TLE2: variants seen among roughly 807,000 people sequenced by gnomAD.
The protein encoded by TLE2 is transducin-like enhancer protein 2.
In TLE2, 74 loss-of-function variants were observed where a neutral mutation model predicts 97.2. The ratio of observed to expected loss-of-function variants is 0.76; its 90% CI spans 0.63 to 0.92. TLE2 has a LOEUF of 0.92. TLE2 is among the 40% of genes least tolerant of loss of function. The pLI, the probability that TLE2 is intolerant of heterozygous loss-of-function variation, is 0.00. For missense variants in TLE2, 1,038 were observed against 1,008.7 expected, an observed-to-expected ratio of 1.03 and a Z score of -0.39; for synonymous variants, 499 against 432.1, an observed-to-expected ratio of 1.15 and a Z score of -1.92.
At chr19:3,006,269 T>G in intron 15 of TLE2, 151 bp downstream of exon 15, 1 of 1,304,510 alleles carries the variant, frequency 7.7e-7, no homozygotes, top group Non-Finnish European at 1.1e-6. Flanking sequence ...GCAAGCCTTG[T>G]CCCATGCGAC....
chr19:3,006,228 C>A lies in TLE2; in HGVS notation c.1500+192G>T, dbSNP rs570054248. The A allele has an allele frequency of 4.0e-6, 4 of 996,780 alleles. No homozygotes were observed. The African/African-American group carries it at 1.1e-4, about 27-fold the overall frequency. The allele number at this position is 996,780 out of a possible 1,614,324, so 61.7% of individuals were successfully genotyped here. A position where few individuals can be genotyped will look rare whatever the true frequency, so the allele number is the denominator to read the frequency against. On this transcript the variant is annotated intron_variant, in intron 15 of 19. Transcript: ENST00000262953. ...TCCTGATTGTCTTGCAAGTCCAATT[C>A]AGATTGGCCAGAGCCCCACCCCTTT...
upstream of TLE2, among the ~76,000 whole-genome samples, chr19:3,033,158 A>T (rs1169003124): frequency 1.4e-5 from 2 of 146,508 alleles, no homozygotes; most frequent in Non-Finnish European, 3.0e-5. Flanking sequence ...GATTACAGAC[A>T]TACACCAAGC....
chr19:3,029,592 C>T, upstream of TLE2: 1 of 529,908 alleles, frequency 1.9e-6, no homozygotes, highest in Non-Finnish European at 2.4e-6. Context: ...GGGGACCAGT[C>T]TGGAGTCGGA....
chr19:3,006,471 C>G lies in TLE2; in HGVS notation c.1449G>C (p.Trp483Cys). The change falls in exon 15 of 20, where the codon TGG (tryptophan) becomes TGC (cysteine). Residue 483 changes from tryptophan (W) to cysteine (C), a missense_variant. Trp to Cys is a radical substitution (Grantham distance 215). Transcript: ENST00000262953. Reference protein sequence around the residue: ...YTGGKGCVKVWDVGQPGAKTP... With the variant: ...YTGGKGCVKVCDVGQPGAKTP... ...TCTTGGCCCCAGGCTGGCCCACGTCCCACACCTTCACACAGCCCTTGCCGC... is the reference window on the plus strand; with the variant it reads ...TCTTGGCCCCAGGCTGGCCCACGTCGCACACCTTCACACAGCCCTTGCCGC... 1 of 1,611,096 alleles carries G rather than the reference C, an allele frequency of 6.2e-7. No individual in the cohort carries two copies. The highest frequency in any genetic ancestry group is 2.2e-5 in the East Asian group (1 of 44,830).
intron 8 of TLE2, among the ~76,000 whole-genome samples, chr19:3,016,419 C>CAAAAA (rs34669546): frequency 8.7e-5 from 8 of 91,550 alleles, no homozygotes; most frequent in African/African-American, 2.9e-4. Flanking sequence ...ACTAAAAATA[C>CAAAAA]AAAAAAAAAA....
At chr19:3,010,370 A>T (rs568299355) in intron 12 of TLE2, among the ~76,000 whole-genome samples, 2 of 137,304 alleles carry the variant, frequency 1.5e-5, no homozygotes, top group African/African-American at 5.3e-5. Context: ...GTCTCAAAAA[A>T]AAAGGAAAAA....
intron 5 of TLE2, 91 bp downstream of exon 5, chr19:3,024,929 T>C: frequency 3.5e-6 from 4 of 1,140,350 alleles, no homozygotes; most frequent in Non-Finnish European, 5.1e-6. Context: ...CGCGGCAGAA[T>C]CAGTGCCTGG....
In TLE2 at chr19:3,028,376, C is replaced by T. The variant is rs369450088; in HGVS notation, c.129G>A (p.Lys43=). ...CGCTGGCCAGCTTCTCACATTCTAGCTTGAGGCTGAGAAGAAGAGAGAGGG... is the reference window on the plus strand; with the variant it reads ...CGCTGGCCAGCTTCTCACATTCTAGTTTGAGGCTGAGAAGAAGAGAGAGGG... The part of the protein sequence containing the change: ...QFLQAQYHSL[K]LECEKLASEK... The change falls in exon 3 of 20, where the codon AAG becomes AAA. Residue 43 remains lysine, a synonymous_variant. Coordinates refer to ENST00000262953, the MANE Select transcript of TLE2 (RefSeq NM_003260.5). 1.4e-5 allele frequency: 23 copies of T among 1,606,088 alleles called. No individual in the cohort carries two copies. Among genetic ancestry groups the T allele is most frequent in the Non-Finnish European group, 1.9e-5 (22 of 1,176,036 alleles).
chr19:3,029,406 C>G (rs1384530613), upstream of TLE2: 1 of 716,194 alleles, frequency 1.4e-6, no homozygotes, highest in African/African-American at 1.9e-5. Flanking sequence ...CCCGGGCACC[C>G]GCCCCCTTCC....
intron 5 of TLE2, among the ~76,000 whole-genome samples, chr19:3,021,574 T>C (rs188092144): frequency 6.6e-6 from 1 of 152,292 alleles, no homozygotes; most frequent in African/African-American, 2.4e-5. Flanking sequence ...ATAAATTTAA[T>C]AGGCTTATTT....
At position 2,997,791 on chromosome 19, in the gene TLE2, C is replaced by T. The variant is rs757124511; in HGVS notation, c.*57G>A. 6.8e-6 allele frequency: 9 copies of T among 1,328,944 alleles called. No homozygotes were observed. The highest frequency in any genetic ancestry group is 8.5e-6 in the Non-Finnish European group (8 of 941,774). The allele number at this position is 1,328,944 out of a possible 1,614,324, so 82.3% of individuals were successfully genotyped here. ...GGAGGCGGCTGCTAGGATGTCTGTC[C>T]TGGCTGCTGATTCCCCTGGGAGTCT... On this transcript the variant is annotated 3_prime_UTR_variant, in exon 20 of 20. Coordinates refer to ENST00000262953, the MANE Select transcript of TLE2 (RefSeq NM_003260.5).
At chr19:3,045,302 C>G (rs780667716) in intron 1 of TLE2, among the ~76,000 whole-genome samples, 4 of 152,156 alleles carry the variant, frequency 2.6e-5, no homozygotes, top group Non-Finnish European at 4.4e-5. Context: ...GAGGGAAAGG[C>G]CCTACCTGGG....
At chr19:3,014,779 G>A (rs576276320) in intron 9 of TLE2, among the ~76,000 whole-genome samples, 165 bp from the exon 10 acceptor site, 3 of 152,190 alleles carry the variant, frequency 2.0e-5, no homozygotes, top group East Asian at 1.9e-4. Context: ...AAGGCTGCAC[G>A]TGCCCGCATC....
chr19:3,010,527 TC>T (rs1568236627), intron 12 of TLE2, among the ~76,000 whole-genome samples: 1 of 151,982 alleles, frequency 6.6e-6, no homozygotes, highest in Non-Finnish European at 1.5e-5. Flanking sequence ...GGGGTCTGGG[TC>T]CTGTCCCTTT....
In TLE2 at chr19:3,009,722, G is replaced by A. The variant is rs567212466; in HGVS notation, c.1013-20C>T. 4.4e-6 allele frequency: 7 copies of A among 1,594,138 alleles called. No individual in the cohort carries two copies. The African/African-American group carries it at 5.4e-5, about 12-fold the overall frequency. ...TCAGGGCTGAGACGGAAGAGTCGGG[G>A]ACAGGTTTTGACGCCCTGGACCCAG... On this transcript the variant is annotated intron_variant, in intron 12 of 19. Coordinates refer to ENST00000262953, the MANE Select transcript of TLE2 (RefSeq NM_003260.5).
chr19:3,043,480 C>A (rs2090119762), intron 1 of TLE2, among the ~76,000 whole-genome samples: 2 of 150,602 alleles, frequency 1.3e-5, no homozygotes, highest in African/African-American at 2.4e-5. Context: ...CCATGCCTGG[C>A]CTCTGCAGCT....
chr19:3,038,515 C>A (rs531178869), intron 1 of TLE2, among the ~76,000 whole-genome samples: 1 of 152,252 alleles, frequency 6.6e-6, no homozygotes, highest in Non-Finnish European at 1.5e-5. Context: ...GTCCAGCCCC[C>A]ACTATGTCCT....
chr19:3,009,496 C>G (rs762156090), intron 13 of TLE2, 46 bp downstream of exon 13: 1 of 1,545,374 alleles, frequency 6.5e-7, no homozygotes, highest in Admixed American at 2.1e-5. Flanking sequence ...GGCCCCCAGC[C>G]CCTGGGCCCT....
intron 15 of TLE2, chr19:3,006,213 C>T (rs1173917435): frequency 8.0e-6 from 8 of 1,006,012 alleles, no homozygotes; most frequent in Non-Finnish European, 1.1e-5. Flanking sequence ...TCCTGATTGT[C>T]TTGCAAGTCC....
Sources: gnomAD v4.1 joint callset for allele counts (sites outside exome capture counted in the v4.1 genomes callset) on GRCh38, gnomAD v4.1.1 for gene constraint, MANE v1.5 for transcripts, NCBI Gene and HGNC (gene_info 2026-07-23, HGNC 2026-07-21) for gene names.